Variants in RBFOX1 observed in about 807,000 individuals in gnomAD.
RBFOX1 encodes the protein RNA binding protein fox-1 homolog 1.
Under a neutral mutation model 57.7 loss-of-function variants are expected in RBFOX1, and 8 were observed. The observed-to-expected ratio is 0.14, with a 90% CI of 0.08 to 0.25. The LOEUF (loss-of-function observed/expected upper bound fraction) is 0.25, where lower values mean the gene tolerates loss of function less well. Ranked by LOEUF, RBFOX1 falls within the 10% of genes least tolerant of loss-of-function variation. The pLI is 1.00. For missense variants in RBFOX1, 611 were observed against 548.5 expected, an observed-to-expected ratio of 1.11 and a Z score of -1.14; for synonymous variants, 326 against 222.4, an observed-to-expected ratio of 1.47 and a Z score of -4.15.
At chr16:6,034,604 T>C (rs1368600790) in intron 1 of RBFOX1, among the ~76,000 whole-genome samples, 1 of 152,134 alleles carries the variant, frequency 6.6e-6, no homozygotes, top group Non-Finnish European at 1.5e-5. Flanking sequence ...CTTCATGGTC[T>C]AAACAGTCCT....
At chr16:6,629,061 A>C (rs2098348934) in intron 2 of RBFOX1, among the ~76,000 whole-genome samples, 1 of 152,134 alleles carries the variant, frequency 6.6e-6, no homozygotes, top group Admixed American at 6.5e-5. Flanking sequence ...TACATACTAA[A>C]CCTATGATTC....
intron 3 of RBFOX1, among the ~76,000 whole-genome samples, chr16:6,940,661 G>T (rs1053972485): frequency 1.3e-5 from 2 of 152,120 alleles, no homozygotes; most frequent in Admixed American, 1.3e-4. Flanking sequence ...GGAGCGACGC[G>T]ATCTCAGCTC....
chr16:7,135,691 G>C (rs2071732156), intron 4 of RBFOX1, among the ~76,000 whole-genome samples: 1 of 152,234 alleles, frequency 6.6e-6, no homozygotes, highest in Non-Finnish European at 1.5e-5. Flanking sequence ...TCCAACAAGA[G>C]ATAAGGCCTA....
rs1327343028 is a variant in RBFOX1, at chr16:7,587,227, A to G, written c.415-20A>G. 9.1e-6 allele frequency: 14 copies of G among 1,533,226 alleles called. No individual in the cohort carries two copies. Among genetic ancestry groups the G allele is most frequent in the African/African-American group, 6.9e-5 (5 of 72,396 alleles). The allele number at this position is 1,533,226 out of a possible 1,614,324, so 95.0% of individuals were successfully genotyped here. On this transcript the variant is annotated intron_variant, in intron 6 of 15. Coordinates refer to ENST00000550418, the MANE Select transcript of RBFOX1 (RefSeq NM_018723.4). ...CTGCATTTCTCTTCTTGCTTATAAG[A>G]TATTTCTATTTCTTTGCAGCAATTT...
intron 4 of RBFOX1, among the ~76,000 whole-genome samples, chr16:7,417,683 C>A (rs1250890805): frequency 1.3e-5 from 2 of 152,150 alleles, no homozygotes; most frequent in Non-Finnish European, 2.9e-5. Flanking sequence ...TGACCTCCCT[C>A]CCTGCTCCAT....
At chr16:6,707,884 T>G (rs1429963207) in intron 3 of RBFOX1, among the ~76,000 whole-genome samples, 1 of 152,192 alleles carries the variant, frequency 6.6e-6, no homozygotes, top group Non-Finnish European at 1.5e-5. Flanking sequence ...CTCTTGGATG[T>G]GCTCCTCTGT....
intron 14 of RBFOX1, among the ~76,000 whole-genome samples, chr16:7,684,177 T>C (rs1297629280): frequency 1.3e-5 from 2 of 152,154 alleles, no homozygotes; most frequent in Admixed American, 6.5e-5. Context: ...CACTTTTGTG[T>C]GTAGTACATG....
chr16:6,660,634 C>T (rs930679808), intron 3 of RBFOX1, among the ~76,000 whole-genome samples: 3 of 152,122 alleles, frequency 2.0e-5, no homozygotes, highest in Non-Finnish European at 2.9e-5. Context: ...ATATCTTCAT[C>T]TGCTTATCTT....
At chr16:6,377,631 G>T (rs988814390) in intron 2 of RBFOX1, among the ~76,000 whole-genome samples, 2 of 152,092 alleles carry the variant, frequency 1.3e-5, no homozygotes, top group African/African-American at 2.4e-5. Flanking sequence ...TCCTCCAAGC[G>T]CCTCACCCTC....
chr16:6,687,237 A>G (rs1568215755), intron 3 of RBFOX1, among the ~76,000 whole-genome samples: 1 of 152,152 alleles, frequency 6.6e-6, no homozygotes, highest in East Asian at 1.9e-4. Flanking sequence ...CTAAGCTATG[A>G]CTCTGCAGAG....
At chr16:5,476,261 A>G (rs973897533) in intron 2 of RBFOX1, among the ~76,000 whole-genome samples, 1 of 152,174 alleles carries the variant, frequency 6.6e-6, no homozygotes, top group African/African-American at 2.4e-5. Flanking sequence ...TATACCATGA[A>G]TATATGCCAT....
At chr16:5,351,057 G>C (rs181548623) in intron 1 of RBFOX1, among the ~76,000 whole-genome samples, 1 of 152,272 alleles carries the variant, frequency 6.6e-6, no homozygotes, top group East Asian at 1.9e-4. Context: ...CCGTGAACCA[G>C]GTATTGCGCT....
At chr16:7,192,602 AG>A (rs2085694051) in intron 4 of RBFOX1, among the ~76,000 whole-genome samples, 1 of 152,194 alleles carries the variant, frequency 6.6e-6, no homozygotes, top group African/African-American at 2.4e-5. Flanking sequence ...ACACACGAAA[AG>A]GGGGCCAAAT....
intron 1 of RBFOX1, among the ~76,000 whole-genome samples, chr16:5,343,586 G>T (rs1236497425): frequency 2.0e-5 from 3 of 151,958 alleles, no homozygotes; most frequent in African/African-American, 7.3e-5. Context: ...CTCCCAAAGT[G>T]CTGGGATTAC....
rs75741555 is a variant in RBFOX1, at chr16:6,009,879, T to C, written c.351+142544T>C. 2.8e-3 allele frequency among the ~76,000 whole-genome samples: 421 copies of C among 151,440 alleles called. 5 individuals carry two copies. Among genetic ancestry groups the C allele is most frequent in the African/African-American group, 9.6e-3 (395 of 41,220 alleles). ...TCAGATTCCCATTCTCATCCTATAC[T>C]TCCTGAATCAGAATCTCCAGCATGG... On this transcript the variant is annotated intron_variant, in intron 4 of 19. Transcript: ENST00000641259.
intron 3 of RBFOX1, among the ~76,000 whole-genome samples, chr16:5,743,898 A>G (rs2052873847): frequency 6.6e-6 from 1 of 152,174 alleles, no homozygotes; most frequent in Non-Finnish European, 1.5e-5. Flanking sequence ...GCATGATGTC[A>G]TACGGAAGGT....
At chr16:7,632,589 C>G (rs191907794) in intron 11 of RBFOX1, among the ~76,000 whole-genome samples, 70 of 152,324 alleles carry the variant, frequency 4.6e-4, no homozygotes, top group African/African-American at 1.6e-3. Flanking sequence ...TTGACTAAAT[C>G]TGATCGCTGT....
intron 3 of RBFOX1, among the ~76,000 whole-genome samples, chr16:5,680,291 T>A (rs2050292012): frequency 6.6e-6 from 1 of 152,166 alleles, no homozygotes; most frequent in Non-Finnish European, 1.5e-5. Context: ...TTTTGCTTGA[T>A]GGAGGAATAA....
At chr16:6,964,397 C>A (rs777633392) in intron 3 of RBFOX1, among the ~76,000 whole-genome samples, 1 of 152,104 alleles carries the variant, frequency 6.6e-6, no homozygotes, top group South Asian at 2.1e-4. Flanking sequence ...ATATTGGTCT[C>A]AACCCACACA....
Sources: allele counts gnomAD v4.1 joint callset (sites outside exome capture counted in the v4.1 genomes callset), GRCh38; gene constraint gnomAD v4.1.1; transcripts MANE v1.5; gene names NCBI Gene and HGNC (gene_info 2026-07-23, HGNC 2026-07-21).